Variants in ATG10 observed in about 807,000 individuals in gnomAD.
ATG10 encodes ubiquitin-like-conjugating enzyme ATG10.
Under a neutral mutation model 32.1 loss-of-function variants are expected in ATG10, and 30 were observed. The ratio of observed to expected loss-of-function variants is 0.94; its 90% CI spans 0.70 to 1.27. The LOEUF is 1.27. ATG10 is among the 50% of genes most tolerant of loss of function. ATG10 has a pLI of 0.00. For synonymous variants in ATG10, 87 were observed against 91.5 expected (o/e 0.95, Z 0.28); for missense variants, 233 against 262.3 (o/e 0.89, Z 0.77).
chr5:82,085,939 A>T (rs1764672412), intron 3 of ATG10, among the ~76,000 whole-genome samples: 1 of 152,150 alleles, frequency 6.6e-6, no homozygotes, highest in Non-Finnish European at 1.5e-5. Flanking sequence ...ATTACAGTAT[A>T]CATTTTGGAA....
chr5:82,230,644 A>G (rs1288062335), intron 5 of ATG10, among the ~76,000 whole-genome samples: 7 of 151,060 alleles, frequency 4.6e-5, no homozygotes, highest in African/African-American at 7.3e-5. Context: ...GAGGCAAGAG[A>G]ATCGCTTGAA....
chr5:82,090,674 G>T (rs1270257367), intron 3 of ATG10, among the ~76,000 whole-genome samples: 1 of 152,156 alleles, frequency 6.6e-6, no homozygotes. Context: ...GAAATGCTCT[G>T]TATCTTCACT....
chr5:82,012,781 G>A (rs1762162502), intron 2 of ATG10, among the ~76,000 whole-genome samples: 1 of 151,878 alleles, frequency 6.6e-6, no homozygotes, highest in Non-Finnish European at 1.5e-5. Context: ...TCAGCCTCTC[G>A]AGTAGCTAGA....
chr5:82,076,743 A>G (rs1176967789), intron 3 of ATG10, among the ~76,000 whole-genome samples: 1 of 152,234 alleles, frequency 6.6e-6, no homozygotes, highest in Non-Finnish European at 1.5e-5. Flanking sequence ...AAATTCATAG[A>G]ATAGTAGACT....
chr5:82,062,688 A>G (rs1240060746), intron 3 of ATG10, among the ~76,000 whole-genome samples: 2 of 152,172 alleles, frequency 1.3e-5, no homozygotes, highest in Admixed American at 1.3e-4. Flanking sequence ...TTCTTTCCAT[A>G]TTCTATTCTT....
chr5:82,181,712 C>G (rs1744244830), intron 5 of ATG10, among the ~76,000 whole-genome samples: 1 of 152,040 alleles, frequency 6.6e-6, no homozygotes, highest in African/African-American at 2.4e-5. Flanking sequence ...ACAAATGCAG[C>G]CTTTGCATAA....
intron 2 of ATG10, among the ~76,000 whole-genome samples, chr5:82,021,987 C>T (rs568968217): frequency 1.3e-5 from 2 of 149,894 alleles, no homozygotes; most frequent in Admixed American, 1.3e-4. Flanking sequence ...CACGCCATTA[C>T]ACTCCAGCCT....
intron 2 of ATG10, among the ~76,000 whole-genome samples, chr5:82,002,810 AAAAAGT>A (rs1443037780): frequency 1.3e-5 from 2 of 152,186 alleles, no homozygotes; most frequent in Admixed American, 1.3e-4. Flanking sequence ...AGTATTTTTA[AAAAAGT>A]AAAACTACCT....
intron 3 of ATG10, among the ~76,000 whole-genome samples, chr5:82,087,907 G>A (rs530423914): frequency 1.3e-5 from 2 of 152,214 alleles, no homozygotes; most frequent in South Asian, 4.1e-4. Flanking sequence ...GGTTTTATGG[G>A]TGTATACTTA....
chr5:82,253,385 A>G lies in ATG10; in HGVS notation c.623A>G (p.Tyr208Cys), dbSNP rs1270458968. 5 of 1,611,772 alleles carry G rather than the reference A, an allele frequency of 3.1e-6. No homozygotes were observed. The South Asian group carries it at 4.4e-5, about 14-fold the overall frequency. The change falls in exon 7 of 8, where the codon TAT (tyrosine) becomes TGT (cysteine). Residue 208 changes from tyrosine (Y) to cysteine (C), a missense_variant. By Grantham distance (194) the Tyr-to-Cys change is radical. Transcript: ENST00000282185. ...PVVGLNLPLS[Y>C]AKATSQDERN... Reference sequence around the variant, plus strand: ...GTTGGGCTGAATCTACCTCTGAGTTATGCCAAAGCAACGTCTCAGGATGAA... The same window carrying G: ...GTTGGGCTGAATCTACCTCTGAGTTGTGCCAAAGCAACGTCTCAGGATGAA...
Position 82,194,892 on chromosome 5 carries a change from C to T in ATG10, c.453+16305C>T, listed in dbSNP as rs745726266. Among the ~76,000 whole-genome samples, 391 of 152,178 alleles carry T rather than the reference C, an allele frequency of 2.6e-3. 1 individual carries two copies. The highest frequency in any genetic ancestry group is 4.3e-3 in the Non-Finnish European group (294 of 68,030). On this transcript the variant is annotated intron_variant, in intron 5 of 7. Transcript: ENST00000282185. Reference sequence around the variant, plus strand: ...AACTAAGGAGCTTAAGTTTCCATCGCTGCCAATAGTGACTCCCTTGCTTCT... The same window carrying T: ...AACTAAGGAGCTTAAGTTTCCATCGTTGCCAATAGTGACTCCCTTGCTTCT...
chr5:82,007,541 C>T (rs887538098), intron 2 of ATG10, among the ~76,000 whole-genome samples: 3 of 152,144 alleles, frequency 2.0e-5, no homozygotes, highest in Non-Finnish European at 4.4e-5. Context: ...CAGTCTCCGC[C>T]TACTGGGCTC....
chr5:82,012,055 C>T (rs1200949979), intron 2 of ATG10, among the ~76,000 whole-genome samples: 1 of 152,174 alleles, frequency 6.6e-6, no homozygotes, highest in Admixed American at 6.5e-5. Flanking sequence ...TTTTCAGCTT[C>T]AGATCAGTTG....
At chr5:82,017,045 G>A (rs1320808269) in intron 2 of ATG10, among the ~76,000 whole-genome samples, 1 of 151,990 alleles carries the variant, frequency 6.6e-6, no homozygotes, top group African/African-American at 2.4e-5. Flanking sequence ...AGCGTGGGAT[G>A]TGTTTCTACT....
chr5:82,129,175 T>A (rs1766407275), intron 3 of ATG10, among the ~76,000 whole-genome samples: 1 of 151,914 alleles, frequency 6.6e-6, no homozygotes, highest in Non-Finnish European at 1.5e-5. Context: ...GAAGTTCTCA[T>A]GCTGTGTTTT....
intron 3 of ATG10, among the ~76,000 whole-genome samples, chr5:82,101,827 A>C (rs1765282549): frequency 6.6e-6 from 1 of 152,232 alleles, no homozygotes; most frequent in Admixed American, 6.5e-5. Flanking sequence ...TGCAGAAGCC[A>C]TGCTGAGTTT....
chr5:82,179,878 G>C (rs1561343060), intron 5 of ATG10, among the ~76,000 whole-genome samples: 1 of 151,970 alleles, frequency 6.6e-6, no homozygotes, highest in South Asian at 2.1e-4. Flanking sequence ...CCATTTTCTA[G>C]GTTTTAATTG....
chr5:82,043,532 T>C (rs1486932924), intron 2 of ATG10, among the ~76,000 whole-genome samples: 1 of 152,246 alleles, frequency 6.6e-6, no homozygotes, highest in African/African-American at 2.4e-5. Context: ...GTTTTTCTTT[T>C]CTACTGCAAT....
At chr5:82,023,083 T>C (rs1762495215) in intron 2 of ATG10, among the ~76,000 whole-genome samples, 1 of 151,840 alleles carries the variant, frequency 6.6e-6, no homozygotes, top group Non-Finnish European at 1.5e-5. Flanking sequence ...CAAACTTTAG[T>C]TGCCTCTTAT....
Sources: allele counts gnomAD v4.1 joint callset (sites outside exome capture counted in the v4.1 genomes callset), GRCh38; gene constraint gnomAD v4.1.1; transcripts MANE v1.5; gene names NCBI Gene and HGNC (gene_info 2026-07-23, HGNC 2026-07-21).